Variants in LRP11 observed in about 807,000 individuals in gnomAD.
LRP11 encodes low-density lipoprotein receptor-related protein 11.
A neutral mutation model predicts 43.1 loss-of-function variants in LRP11; 25 were observed. That is an observed-to-expected ratio of 0.58 (90% CI 0.42 to 0.81). The LOEUF (loss-of-function observed/expected upper bound fraction) is 0.81, where lower values mean the gene tolerates loss of function less well. LRP11 is among the 30% of genes least tolerant of loss of function. The pLI, the probability that LRP11 is intolerant of heterozygous loss-of-function variation, is 0.00. For synonymous variants in LRP11, 316 were observed against 299.4 expected, an observed-to-expected ratio of 1.06 and a Z score of -0.57; for missense variants, 623 against 665.1, an observed-to-expected ratio of 0.94 and a Z score of 0.70.
In LRP11 at chr6:149,863,415, G is replaced by C. The variant is rs1416235304; in HGVS notation, c.606C>G (p.Pro202=). 2 of 1,331,482 alleles carry C rather than the reference G, an allele frequency of 1.5e-6. No homozygotes were observed. The highest frequency in any genetic ancestry group is 1.9e-6 in the Non-Finnish European group (2 of 1,049,256). 82.5% of individuals were successfully genotyped at this position (1,331,482 alleles called of 1,614,324 possible). Residue 202 remains proline, a synonymous_variant, in exon 1 of 7, where the codon CCC becomes CCG. Coordinates refer to ENST00000239367, the MANE Select transcript of LRP11 (RefSeq NM_032832.6). ...CCTCAGTCGCGCGCTTACCCTGCCG[G>C]GGCGAGGCGCGCGCGGTGGCCAGGG... The part of the protein sequence containing the change: ...GAALATARAS[P]RQEKDAPPLS...
rs111366333 is a variant in LRP11 at position 149,849,701 on chromosome 6, C to T, written c.771+3302G>A. Among the ~76,000 whole-genome samples the T allele has an allele frequency of 8.2e-3, 1,255 of 152,270 alleles. 9 individuals carry two copies. The highest frequency in any genetic ancestry group is 0.024 in the Middle Eastern group (7 of 294). On this transcript the variant is annotated intron_variant, in intron 2 of 6. Coordinates refer to ENST00000239367, the MANE Select transcript of LRP11 (RefSeq NM_032832.6). ...TGAGCTATGATTGTGCCACTCACTG[C>T]ACTCCAGCCTGGGCAACAGAGACCC...
At chr6:149,834,300 A>G (rs9478896) in intron 5 of LRP11, among the ~76,000 whole-genome samples, 5,877 of 152,254 alleles carry the variant, frequency 0.039, 409 homozygotes, top group African/African-American at 0.13. Flanking sequence ...ATGTCAGCCT[A>G]TTTATCATTC....
At chr6:149,858,248 C>G (rs1248716343) in intron 1 of LRP11, among the ~76,000 whole-genome samples, 1 of 152,148 alleles carries the variant, frequency 6.6e-6, no homozygotes, top group Non-Finnish European at 1.5e-5. Context: ...TCCTCCGTGT[C>G]CGTGTGTTCT....
At chr6:149,854,578 A>C (rs964139335) in intron 1 of LRP11, among the ~76,000 whole-genome samples, 1 of 152,280 alleles carries the variant, frequency 6.6e-6, no homozygotes, top group Non-Finnish European at 1.5e-5. Flanking sequence ...TAAGCTTCTT[A>C]GTAAATTCAC....
chr6:149,840,341 C>T (rs1253369824), intron 3 of LRP11, among the ~76,000 whole-genome samples: 2 of 152,172 alleles, frequency 1.3e-5, no homozygotes, highest in African/African-American at 4.8e-5. Flanking sequence ...TAGTACTTCA[C>T]CAATTCCTTT....
chr6:149,843,044 G>C lies in LRP11; in HGVS notation c.852C>G (p.Ala284=). The C allele has an allele frequency of 6.2e-7, 1 of 1,614,184 alleles. No homozygotes were observed. Among genetic ancestry groups the C allele is most frequent in the African/African-American group, 1.3e-5 (1 of 75,050 alleles). The stretch of plus-strand genomic sequence containing the variant: ...ACACGTTGTCAGAGCTTCTCTGCCC[G>C]GCAGTGTCCGTCACGGTCAGCTGGA... ...YTFQLTVTDT[A]GQRSSDNVSV... The change falls in exon 3 of 7, where the codon GCC becomes GCG. Residue 284 remains alanine (A), a synonymous_variant. Coordinates refer to ENST00000239367, the MANE Select transcript of LRP11 (RefSeq NM_032832.6).
chr6:149,845,270 G>C (rs1776615216), intron 2 of LRP11, among the ~76,000 whole-genome samples: 1 of 152,126 alleles, frequency 6.6e-6, no homozygotes. Context: ...ATCTCCACTG[G>C]TTGATTCTTA....
At chr6:149,832,191 CTTT>C (rs5880854) in intron 5 of LRP11, among the ~76,000 whole-genome samples, 5 of 130,122 alleles carry the variant, frequency 3.8e-5, no homozygotes, top group Non-Finnish European at 7.9e-5. Flanking sequence ...TGAGCTAAGT[CTTT>C]TTTTTTTTTT....
chr6:149,837,424 TCA>T lies in LRP11; in HGVS notation c.951_952del (p.Cys317Ter). 1 of 1,614,128 alleles carries T rather than the reference TCA, an allele frequency of 6.2e-7. No individual in the cohort carries two copies. Among genetic ancestry groups the T allele is most frequent in the Non-Finnish European group, 8.5e-7 (1 of 1,180,024 alleles). On this transcript the variant is annotated stop_gained and frameshift_variant, in exon 4 of 7. Transcript: ENST00000239367. ...CGTGATGTCAATGCAGCAGCCATCG[TCA>T]CAGAAGAAGTGGTAGCGTGAGCAAG...
chr6:149,838,760 A>G (rs1217029846), intron 3 of LRP11, among the ~76,000 whole-genome samples: 10 of 151,984 alleles, frequency 6.6e-5, no homozygotes. Flanking sequence ...TTGCAGTGCA[A>G]TTCATAGGAG....
chr6:149,848,306 G>A (rs909886480), intron 2 of LRP11, among the ~76,000 whole-genome samples: 6 of 152,226 alleles, frequency 3.9e-5, no homozygotes, highest in Admixed American at 3.9e-4. Context: ...GTGGTGTACT[G>A]TGGAAAGTGG....
rs9322225 is a variant in LRP11, at chr6:149,863,746, G to A, written c.275C>T (p.Pro92Leu). 2 of 1,475,258 alleles carry A rather than the reference G, an allele frequency of 1.4e-6. No individual in the cohort carries two copies. The highest frequency in any genetic ancestry group is 1.8e-6 in the Non-Finnish European group (2 of 1,119,546). 91.4% of individuals were successfully genotyped at this position (1,475,258 alleles called of 1,614,324 possible). Residue 92 changes from proline to leucine, a missense_variant, in exon 1 of 7, where the codon CCG (proline) becomes CTG (leucine). Physicochemically the swap from Pro to Leu is moderately conservative, Grantham distance 98. Transcript: ENST00000239367. ...GGGPQEDCPG[P>L]GSGGYSAMPD... ...CATTGCGCTGTAGCCGCCGCTGCCC[G>A]GGCCCGGGCAGTCCTCCTGGGGGCC...
chr6:149,831,253 G>A (rs1185848176), intron 5 of LRP11, among the ~76,000 whole-genome samples: 2 of 152,250 alleles, frequency 1.3e-5, no homozygotes, highest in Admixed American at 1.3e-4. Context: ...CATAGAGCAT[G>A]CAGGCATGAT....
intron 4 of LRP11, 21 bp from the exon 5 acceptor site, chr6:149,836,318 T>C: frequency 6.2e-7 from 1 of 1,603,474 alleles, no homozygotes; most frequent in East Asian, 2.2e-5. Context: ...GAAGAGCTAC[T>C]GTTAGTTGCT....
chr6:149,856,318 T>C (rs1776798672), intron 1 of LRP11, among the ~76,000 whole-genome samples: 1 of 152,228 alleles, frequency 6.6e-6, no homozygotes, highest in Non-Finnish European at 1.5e-5. Flanking sequence ...TTTATTTAGG[T>C]GAGCTTTAAG....
rs775650666 is a variant in LRP11 at position 149,842,566 on chromosome 6, C to T, written c.913+417G>A. On this transcript the variant is annotated intron_variant, in intron 3 of 6. Coordinates refer to ENST00000239367, the MANE Select transcript of LRP11 (RefSeq NM_032832.6). ...GTCTCTCCTTTCCCAGTCCGTCCCC[C>T]GCACAGCCTCCAGTAACCGCCATTC... 77 of 1,383,266 alleles carry T rather than the reference C, an allele frequency of 5.6e-5. 1 individual carries two copies. Among genetic ancestry groups the T allele is most frequent in the African/African-American group, 4.0e-4 (28 of 69,660 alleles). 85.7% of individuals were successfully genotyped at this position (1,383,266 alleles called of 1,614,324 possible). A position where few individuals can be genotyped will look rare whatever the true frequency, so the allele number is the denominator to read the frequency against.
chr6:149,856,989 G>T (rs970009914), intron 1 of LRP11, among the ~76,000 whole-genome samples: 1 of 152,142 alleles, frequency 6.6e-6, no homozygotes, highest in African/African-American at 2.4e-5. Flanking sequence ...ACCCCAATAT[G>T]ATTATTGTGA....
chr6:149,847,194 T>C (rs1776649804), intron 2 of LRP11, among the ~76,000 whole-genome samples: 1 of 152,170 alleles, frequency 6.6e-6, no homozygotes, highest in Non-Finnish European at 1.5e-5. Flanking sequence ...GCAAGCCTCT[T>C]GTCAACACTG....
intron 5 of LRP11, among the ~76,000 whole-genome samples, chr6:149,826,975 T>C (rs1303565598): frequency 2.6e-5 from 1 of 37,790 alleles, no homozygotes; most frequent in Non-Finnish European, 3.8e-5. Context: ...ATTTATTTAC[T>C]TTTTTTTTTT....
Sources: allele counts gnomAD v4.1 joint callset (sites outside exome capture counted in the v4.1 genomes callset), GRCh38; gene constraint gnomAD v4.1.1; transcripts MANE v1.5; gene names NCBI Gene and HGNC (gene_info 2026-07-23, HGNC 2026-07-21).